The following CNIH3 variants were observed in gnomAD, a reference collection of about 807,000 sequenced individuals.
CNIH3 encodes the protein protein cornichon homolog 3.
A neutral mutation model predicts 24.1 loss-of-function variants in CNIH3; 14 were observed. The ratio of observed to expected loss-of-function variants is 0.58; its 90% confidence interval spans 0.38 to 0.91. The LOEUF is 0.91. CNIH3 is among the 40% of genes least tolerant of loss of function. The probability of loss-of-function intolerance (pLI) is 0.00; values close to 1 mark genes in which losing one functional copy is unlikely to be tolerated. For synonymous variants in CNIH3, 68 were observed against 73.8 expected (o/e 0.92, Z 0.40); for missense variants, 178 against 196.8 (o/e 0.90, Z 0.57).
chr1:224,556,907 G>A (rs1351498978), intron 3 of CNIH3, among the ~76,000 whole-genome samples: 2 of 152,080 alleles, frequency 1.3e-5, no homozygotes, highest in African/African-American at 2.4e-5. Context: ...CCTCCCCTTT[G>A]CTGTTTCACT....
chr1:224,560,579 T>A (rs1680324394), intron 3 of CNIH3, among the ~76,000 whole-genome samples: 1 of 151,990 alleles, frequency 6.6e-6, no homozygotes, highest in African/African-American at 2.4e-5. Context: ...TAGATTCTCA[T>A]AGGAGCGTGA....
At chr1:224,688,781 C>T (rs537164060) in intron 3 of CNIH3, among the ~76,000 whole-genome samples, 35 of 151,338 alleles carry the variant, frequency 2.3e-4, no homozygotes, top group Admixed American at 1.4e-3. Context: ...ACAAATTAGT[C>T]GGGCGTGGTG....
chr1:224,513,601 A>C (rs949885215), upstream of CNIH3: 16 of 152,254 alleles, frequency 1.1e-4, no homozygotes, highest in African/African-American at 3.6e-4. Flanking sequence ...ACGGGGAACC[A>C]TTTGGCTGAG....
intron 3 of CNIH3, among the ~76,000 whole-genome samples, chr1:224,607,293 A>G (rs1028715343): frequency 2.0e-5 from 3 of 152,130 alleles, no homozygotes; most frequent in Non-Finnish European, 2.9e-5. Context: ...ACACCCAGGA[A>G]AAAGGGACAC....
chr1:224,549,106 T>A (rs553915055), intron 3 of CNIH3, among the ~76,000 whole-genome samples: 12 of 152,196 alleles, frequency 7.9e-5, no homozygotes, highest in South Asian at 6.2e-4. Context: ...ATTACAAATA[T>A]CAGAGCGATG....
chr1:224,625,677 G>A (rs1323866951), intron 1 of CNIH3, among the ~76,000 whole-genome samples: 1 of 152,244 alleles, frequency 6.6e-6, no homozygotes, highest in Non-Finnish European at 1.5e-5. Flanking sequence ...AGGGGAGATG[G>A]TGGATGGGAT....
chr1:224,447,508 C>T (rs1353518540), intron 1 of CNIH3, among the ~76,000 whole-genome samples: 1 of 152,238 alleles, frequency 6.6e-6, no homozygotes. Flanking sequence ...CCTGTGGAAA[C>T]CCTGGCAGAC....
chr1:224,472,269 T>G (rs1027604628), intron 1 of CNIH3, among the ~76,000 whole-genome samples: 1 of 152,196 alleles, frequency 6.6e-6, no homozygotes, highest in African/African-American at 2.4e-5. Flanking sequence ...CCATTTAAAA[T>G]GAAGTGATAT....
intron 1 of CNIH3, among the ~76,000 whole-genome samples, chr1:224,496,579 C>T (rs1341662896): frequency 6.6e-6 from 1 of 152,184 alleles, no homozygotes; most frequent in African/African-American, 2.4e-5. Context: ...AGGGTGGTTT[C>T]AGCATGCCCA....
intron 1 of CNIH3, among the ~76,000 whole-genome samples, chr1:224,486,850 A>C (rs1572344737): frequency 6.6e-6 from 1 of 152,384 alleles, no homozygotes; most frequent in South Asian, 2.1e-4. Flanking sequence ...TACTAACGCA[A>C]TAAGTGATAT....
intron 1 of CNIH3, among the ~76,000 whole-genome samples, chr1:224,626,734 T>C (rs976608178): frequency 1.3e-5 from 2 of 152,184 alleles, no homozygotes; most frequent in African/African-American, 4.8e-5. Context: ...AGCATTGACC[T>C]ACCTCTCCAG....
chr1:224,726,520 C>T (rs938694120), intron 3 of CNIH3, among the ~76,000 whole-genome samples: 21 of 152,308 alleles, frequency 1.4e-4, no homozygotes, highest in Admixed American at 5.2e-4. Flanking sequence ...CATTAATGTC[C>T]TTTAATAGGG....
At chr1:224,719,781 AT>A (rs1292167620) in intron 3 of CNIH3, among the ~76,000 whole-genome samples, 1 of 152,184 alleles carries the variant, frequency 6.6e-6, no homozygotes, top group Non-Finnish European at 1.5e-5. Flanking sequence ...ATCTACTACT[AT>A]TTTCACTAAG....
intron 3 of CNIH3, among the ~76,000 whole-genome samples, chr1:224,702,417 A>T (rs895604684): frequency 2.2e-4 from 33 of 152,324 alleles, no homozygotes; most frequent in African/African-American, 7.9e-4. Flanking sequence ...TTGTCAGATT[A>T]CTTTCTCAGA....
chr1:224,545,327 C>T (rs1484686653), intron 2 of CNIH3, among the ~76,000 whole-genome samples: 2 of 152,236 alleles, frequency 1.3e-5, no homozygotes, highest in South Asian at 2.1e-4. Flanking sequence ...TCTCTTCTCT[C>T]ATCTTAATTC....
chr1:224,572,008 G>T (rs984202397), intron 4 of CNIH3, among the ~76,000 whole-genome samples: 2 of 152,168 alleles, frequency 1.3e-5, no homozygotes, highest in Non-Finnish European at 2.9e-5. Flanking sequence ...AGACGTGGGG[G>T]TTAGTGGGGC....
At chr1:224,654,872 G>A (rs370153448) in intron 1 of CNIH3, among the ~76,000 whole-genome samples, 6 of 152,070 alleles carry the variant, frequency 3.9e-5, no homozygotes, top group Admixed American at 1.3e-4. Context: ...AACTTTGATC[G>A]GCCGTCCCTT....
intron 1 of CNIH3, among the ~76,000 whole-genome samples, chr1:224,651,838 C>A (rs1684873494): frequency 6.6e-6 from 1 of 152,090 alleles, no homozygotes; most frequent in Non-Finnish European, 1.5e-5. Context: ...GGGATAAATC[C>A]TCAGGGAATT....
chr1:224,676,257 A>G (rs1251517334), intron 1 of CNIH3, among the ~76,000 whole-genome samples: 2 of 152,234 alleles, frequency 1.3e-5, no homozygotes, highest in African/African-American at 4.8e-5. Flanking sequence ...TCAGAAGCCT[A>G]CATACTGCGT....
Sources: gnomAD v4.1 joint callset for allele counts (sites outside exome capture counted in the v4.1 genomes callset) on GRCh38, gnomAD v4.1.1 for gene constraint, MANE v1.5 for transcripts, NCBI Gene and HGNC (gene_info 2026-07-23, HGNC 2026-07-21) for gene names.